ZDHHC11: variants seen among roughly 807,000 people sequenced by gnomAD.
ZDHHC11 encodes zDHHC palmitoyltransferase 11.
Under a neutral mutation model 51.3 loss-of-function variants are expected in ZDHHC11, and 44 were observed. That is an observed-to-expected ratio of 0.86 (90% confidence interval 0.67 to 1.10). The LOEUF (loss-of-function observed/expected upper bound fraction) is 1.10. ZDHHC11 is among the 50% of genes least tolerant of loss of function. The pLI is 0.00. For synonymous variants in ZDHHC11, 163 were observed against 222.0 expected (o/e 0.73, Z 2.36); for missense variants, 400 against 537.7 (o/e 0.74, Z 2.53).
At chr5:844,757 G>A (rs1445446391) in intron 3 of ZDHHC11, among the ~76,000 whole-genome samples, 2 of 152,296 alleles carry the variant, frequency 1.3e-5, no homozygotes, top group Non-Finnish European at 2.9e-5. Flanking sequence ...CTTCTCCAAG[G>A]GTCTCGTGCA....
At chr5:843,252 C>CT (rs1308329513) in intron 4 of ZDHHC11, 1 of 444,960 alleles carries the variant, frequency 2.2e-6, no homozygotes, top group Middle Eastern at 7.0e-4. Flanking sequence ...CACCCCCACC[C>CT]TCCCACAACT....
Position 850,920 on chromosome 5 carries a change from G to T in ZDHHC11, c.-318C>A. The T allele has an allele frequency of 2.1e-6, 1 of 486,056 alleles. No individual in the cohort carries two copies. The highest frequency in any genetic ancestry group is 3.7e-6 in the Non-Finnish European group (1 of 270,914). 30.1% of individuals were successfully genotyped at this position (486,056 alleles called of 1,614,324 possible). ...CGCGACCGCCCATCAGTTCCCCTGA[G>T]GATTTGTTACGTTCTGGGGAGTGCT... On this transcript the variant is annotated 5_prime_UTR_variant, in exon 1 of 13. Transcript: ENST00000283441.
intron 1 of ZDHHC11, among the ~76,000 whole-genome samples, chr5:857,472 A>T (rs1006140460): frequency 6.6e-6 from 1 of 152,164 alleles, no homozygotes; most frequent in African/African-American, 2.4e-5. Context: ...ATCTGTGTAT[A>T]TGACACCAGG....
chr5:857,113 A>G (rs2150522802), intron 1 of ZDHHC11, among the ~76,000 whole-genome samples: 1 of 152,310 alleles, frequency 6.6e-6, no homozygotes, highest in East Asian at 1.9e-4. Context: ...TGAAAGGAGC[A>G]TCTGTGAGTC....
chr5:840,072 G>C (rs1370688904), intron 5 of ZDHHC11: 2 of 606,438 alleles, frequency 3.3e-6, no homozygotes, highest in East Asian at 5.5e-5. Flanking sequence ...TTGGTTAGTG[G>C]GTGACCTGCC....
Position 818,074 on chromosome 5 carries a change from G to A in ZDHHC11, c.1146+1451C>T, listed in dbSNP as rs536201883. The stretch of plus-strand genomic sequence containing the variant: ...GGATTGTCCTGGAGCCCACGGAGAC[G>A]CGGGCTTGGGATCCAACGTGATGCT... On this transcript the variant is annotated intron_variant, in intron 10 of 12. Coordinates refer to ENST00000283441, the MANE Select transcript of ZDHHC11 (RefSeq NM_024786.3). Among the ~76,000 whole-genome samples, 5 of 151,466 alleles carry A rather than the reference G, an allele frequency of 3.3e-5. 1 individual carries two copies. Among genetic ancestry groups the A allele is most frequent in the African/African-American group, 1.2e-4 (5 of 41,388 alleles).
chr5:840,983 C>G (rs1339100706), intron 4 of ZDHHC11: 1 of 1,311,332 alleles, frequency 7.6e-7, no homozygotes, highest in African/African-American at 1.6e-5. Flanking sequence ...ACAGCGCCCA[C>G]CCCTTCCTAA....
chr5:850,179 C>T, intron 1 of ZDHHC11: 2 of 624,374 alleles, frequency 3.2e-6, no homozygotes, highest in Non-Finnish European at 5.5e-6. Context: ...TCAGCCAACG[C>T]TGTCCTGTCC....
chr5:850,696 G>T lies in ZDHHC11; in HGVS notation c.-94C>A. The T allele has an allele frequency of 6.8e-7, 1 of 1,474,732 alleles. No individual in the cohort carries two copies. The highest frequency in any genetic ancestry group is 9.2e-7 in the Non-Finnish European group (1 of 1,082,782). 91.4% of individuals were successfully genotyped at this position (1,474,732 alleles called of 1,614,324 possible). A position where few individuals can be genotyped will look rare whatever the true frequency, so the allele number is the denominator to read the frequency against. On this transcript the variant is annotated 5_prime_UTR_variant, in exon 1 of 13. The change creates a new upstream start codon in the 5' untranslated region. Coordinates refer to ENST00000283441, the MANE Select transcript of ZDHHC11 (RefSeq NM_024786.3). Reference sequence around the variant, plus strand: ...AGAGACCAAGGGGACTGGGAATGCAGCCGCCAGGACCAGCACTGACAGCCA... The same window carrying T: ...AGAGACCAAGGGGACTGGGAATGCATCCGCCAGGACCAGCACTGACAGCCA...
chr5:800,510 T>C (rs933478572), intron 12 of ZDHHC11, among the ~76,000 whole-genome samples: 3 of 151,310 alleles, frequency 2.0e-5, no homozygotes, highest in Non-Finnish European at 4.4e-5. Flanking sequence ...CCCTCTGTTT[T>C]CAAGTGCTCA....
Position 805,979 on chromosome 5 carries a change from G to C in ZDHHC11, c.1182-4815C>G, listed in dbSNP as rs1434949100. Among the ~76,000 whole-genome samples the C allele has an allele frequency of 1.3e-5, 2 of 151,158 alleles. 1 individual carries two copies. Among genetic ancestry groups the C allele is most frequent in the Admixed American group, 1.3e-4 (2 of 15,178 alleles). Reference sequence around the variant, plus strand: ...TGTTGCTGACCCCACACAGCAAGCGGCTAGCCTCTGCCACCCCACAGGAGA... The same window carrying C: ...TGTTGCTGACCCCACACAGCAAGCGCCTAGCCTCTGCCACCCCACAGGAGA... On this transcript the variant is annotated intron_variant, in intron 11 of 12. Coordinates refer to ENST00000283441, the MANE Select transcript of ZDHHC11 (RefSeq NM_024786.3).
At chr5:798,192 C>T (rs1201580776) in intron 12 of ZDHHC11, among the ~76,000 whole-genome samples, 1 of 150,830 alleles carries the variant, frequency 6.6e-6, no homozygotes, top group Non-Finnish European at 1.5e-5. Flanking sequence ...GCTGTGCTCT[C>T]AGCTTGATCT....
chr5:831,024 TC>T (rs1743006673), intron 7 of ZDHHC11, among the ~76,000 whole-genome samples: 1 of 150,462 alleles, frequency 6.6e-6, no homozygotes, highest in Non-Finnish European at 1.5e-5. Flanking sequence ...CTACAAGATA[TC>T]ATCAGAAAAA....
At chr5:814,671 T>C (rs572971991) in intron 11 of ZDHHC11, 90 bp downstream of exon 11, 1 of 1,320,610 alleles carries the variant, frequency 7.6e-7, no homozygotes, top group Non-Finnish European at 1.0e-6. Flanking sequence ...TATTTGAACA[T>C]GTTAAATAGA....
In ZDHHC11 at chr5:816,406, CG is replaced by C. The variant is rs751491656; in HGVS notation, c.1147-1612del. 404 of 405,078 alleles carry C rather than the reference CG, an allele frequency of 1.0e-3. 13 individuals carry two copies. The highest frequency in any genetic ancestry group is 1.6e-3 in the Non-Finnish European group (325 of 206,440). 25.1% of individuals were successfully genotyped at this position (405,078 alleles called of 1,614,324 possible). ...GTAGCGCAGGCGGTGGTGGGGTTGGCGGGGGTTCCAGCTGCGGGACAGGCAG... is the reference window on the plus strand; with the variant it reads ...GTAGCGCAGGCGGTGGTGGGGTTGGCGGGGTTCCAGCTGCGGGACAGGCAG... On this transcript the variant is annotated intron_variant, in intron 10 of 12. Coordinates refer to ENST00000283441, the MANE Select transcript of ZDHHC11 (RefSeq NM_024786.3).
chr5:797,234 A>G (rs1324953815), intron 12 of ZDHHC11, among the ~76,000 whole-genome samples: 1 of 151,280 alleles, frequency 6.6e-6, no homozygotes, highest in Non-Finnish European at 1.5e-5. Context: ...GTGTATATAT[A>G]TATATATTCT....
In ZDHHC11 at chr5:812,754, T is replaced by G. The variant is rs936412648; in HGVS notation, c.1181+2007A>C. On this transcript the variant is annotated intron_variant, in intron 11 of 12. Transcript: ENST00000283441. ...CAAAGGTGCTTCTTGCAATTTTGTTTGCAAAACCTAAACTTGGTCATAAAC... is the reference window on the plus strand; with the variant it reads ...CAAAGGTGCTTCTTGCAATTTTGTTGGCAAAACCTAAACTTGGTCATAAAC... 3.8e-4 allele frequency among the ~76,000 whole-genome samples: 57 copies of G among 151,464 alleles called. 2 individuals are homozygous for G. The highest frequency in any genetic ancestry group is 2.0e-4 in the Admixed American group (3 of 15,220).
intron 12 of ZDHHC11, among the ~76,000 whole-genome samples, chr5:799,278 C>T (rs1353287857): frequency 6.6e-6 from 1 of 151,536 alleles, no homozygotes; most frequent in East Asian, 1.9e-4. Flanking sequence ...CCTCCTCTCT[C>T]TCCATGTGAT....
At chr5:843,482 C>G in intron 4 of ZDHHC11, 118 bp downstream of exon 4, 2 of 1,525,940 alleles carry the variant, frequency 1.3e-6, no homozygotes, top group South Asian at 2.4e-5. Flanking sequence ...CTGCATGGGG[C>G]TGCCTGCCCC....
Sources: gnomAD v4.1 joint callset for allele counts (sites outside exome capture counted in the v4.1 genomes callset) on GRCh38, gnomAD v4.1.1 for gene constraint, MANE v1.5 for transcripts, NCBI Gene and HGNC (gene_info 2026-07-23, HGNC 2026-07-21) for gene names.